Variants in ENO1 observed in about 807,000 individuals in gnomAD.
ENO1 encodes alpha-enolase.
ENO1 carries 33 observed loss-of-function variants against 46.3 expected under a neutral mutation model. The observed-to-expected ratio is 0.71, with a 90% CI of 0.54 to 0.95. The LOEUF is 0.95. Ranked by LOEUF, ENO1 falls within the 40% of genes least tolerant of loss-of-function variation. The pLI is 0.00. For synonymous variants in ENO1, 220 were observed against 216.0 expected, an observed-to-expected ratio of 1.02 and a Z score of -0.16; for missense variants, 488 against 553.3, an observed-to-expected ratio of 0.88 and a Z score of 1.18.
At chr1:8,866,927 TC>T (rs1642530329) in intron 6 of ENO1, among the ~76,000 whole-genome samples, 189 bp downstream of exon 6, 1 of 152,170 alleles carries the variant, frequency 6.6e-6, no homozygotes, top group South Asian at 2.1e-4. Context: ...TCCCCGAGCC[TC>T]CATTGCAGAT....
At chr1:8,870,953 A>G in intron 3 of ENO1, 1 of 1,248,558 alleles carries the variant, frequency 8.0e-7, no homozygotes, top group African/African-American at 1.5e-5. Flanking sequence ...AAGGACTGCG[A>G]GTGAGAGACA....
chr1:8,875,061 T>C, intron 1 of ENO1, 144 bp from the exon 2 acceptor site: 1 of 634,924 alleles, frequency 1.6e-6, no homozygotes, highest in South Asian at 2.0e-5. Context: ...CTGGCTAGGG[T>C]GGGGGGAAAA....
intron 1 of ENO1, 171 bp downstream of exon 1, chr1:8,878,409 C>CG: frequency 3.1e-6 from 1 of 327,796 alleles, no homozygotes; most frequent in Admixed American, 4.7e-5. Flanking sequence ...CCCCGGGCCT[C>CG]GGGGTGAGCG....
chr1:8,877,944 C>T (rs1020927993), intron 1 of ENO1: 1 of 152,352 alleles, frequency 6.6e-6, no homozygotes, highest in Admixed American at 6.5e-5. Flanking sequence ...CCGCTCTTGC[C>T]CAACTTGGGC....
In ENO1 at chr1:8,867,268, C is replaced by T. The variant is rs753057751; in HGVS notation, c.311-18G>A. ...AAACTTAGCTAGAACAGAAGAGAAC[C>T]GAGTGGAATGAAGTCATTTCTGATT... On this transcript the variant is annotated intron_variant, in intron 5 of 11. Transcript: ENST00000234590. The T allele has an allele frequency of 1.9e-5, 31 of 1,613,058 alleles. No homozygotes were observed. Among genetic ancestry groups the T allele is most frequent in the African/African-American group, 1.7e-4 (13 of 75,012 alleles).
intron 4 of ENO1, 140 bp downstream of exon 4, chr1:8,870,312 G>C: frequency 9.2e-7 from 1 of 1,085,108 alleles, no homozygotes; most frequent in Non-Finnish European, 1.3e-6. Flanking sequence ...GTCATGCATG[G>C]ATTGTTCTCG....
chr1:8,869,788 G>A (rs1642592440), intron 4 of ENO1, among the ~76,000 whole-genome samples: 1 of 152,120 alleles, frequency 6.6e-6, no homozygotes, highest in South Asian at 2.1e-4. Flanking sequence ...TCCAACTCCT[G>A]ACCTCAAGTG....
In ENO1 at chr1:8,865,382, C is replaced by T; in HGVS notation, c.768G>A (p.Lys256=). Residue 256 remains lysine (K), a synonymous_variant, in exon 8 of 12, where the codon AAG becomes AAA. Transcript: ENST00000234590. ...VAASEFFRSG[K]YDLDFKSPDD... is the part of the protein sequence containing the mutation. ...CGGGAGACTTGAAGTCCAGGTCATA[C>T]TTCCCAGACCTGAAGAACTCGGAGG... 6.2e-7 allele frequency: 1 copy of T among 1,614,198 alleles called. No individual in the cohort carries two copies. Among genetic ancestry groups the T allele is most frequent in the Non-Finnish European group, 8.5e-7 (1 of 1,180,034 alleles).
chr1:8,863,472 T>TG (rs2124053333), intron 9 of ENO1, 129 bp from the exon 10 acceptor site: 1 of 914,542 alleles, frequency 1.1e-6, no homozygotes, highest in East Asian at 2.6e-5. Context: ...CCTCCATGCC[T>TG]GGGCTTTGTC....
At chr1:8,862,680 G>A (rs1369792000) in intron 11 of ENO1, among the ~76,000 whole-genome samples, 1 of 152,216 alleles carries the variant, frequency 6.6e-6, no homozygotes, top group East Asian at 1.9e-4. Flanking sequence ...TCCTGCCTCT[G>A]GTGGCGCTGC....
chr1:8,862,440 G>A (rs554195760), intron 11 of ENO1, among the ~76,000 whole-genome samples: 8 of 152,176 alleles, frequency 5.3e-5, no homozygotes, highest in African/African-American at 1.7e-4. Context: ...GACAGGAAAG[G>A]GAGACCAGAA....
At position 8,862,983 on chromosome 1, in the gene ENO1, A is replaced by G. The variant is rs186129390; in HGVS notation, c.1177-38T>C. 783 of 1,609,700 alleles carry G rather than the reference A, an allele frequency of 4.9e-4. 3 individuals are homozygous for G. The highest frequency in any genetic ancestry group is 4.5e-3 in the Middle Eastern group (27 of 6,050). On this transcript the variant is annotated intron_variant, in intron 10 of 11. Transcript: ENST00000234590. ...AAAGGCCATTTGCTTACAGCGGACA[A>G]GCTTTGCAGGCATTTCTGGCAGGGA...
At chr1:8,877,492 A>C (rs573731483) in intron 1 of ENO1, 1 of 152,406 alleles carries the variant, frequency 6.6e-6, no homozygotes, top group Non-Finnish European at 1.5e-5. Flanking sequence ...AAGGCAAGTG[A>C]AGCAATGGAC....
intron 11 of ENO1, among the ~76,000 whole-genome samples, chr1:8,862,128 A>T (rs904702666): frequency 6.6e-6 from 1 of 152,092 alleles, no homozygotes; most frequent in Non-Finnish European, 1.5e-5. Flanking sequence ...AGCCTGGGCG[A>T]CAGAGTGAGA....
intron 11 of ENO1, 73 bp downstream of exon 11, chr1:8,862,814 G>A (rs1282774466): frequency 1.3e-6 from 2 of 1,524,470 alleles, no homozygotes; most frequent in Non-Finnish European, 1.8e-6. Context: ...CCTGGGGGAG[G>A]GCAGTGCCTA....
Position 8,863,978 on chromosome 1 carries a change from C to T in ENO1, c.980G>A (p.Arg327Lys). 1 of 1,614,160 alleles carries T rather than the reference C, an allele frequency of 6.2e-7. No individual in the cohort carries two copies. Among genetic ancestry groups the T allele is most frequent in the Non-Finnish European group, 8.5e-7 (1 of 1,180,030 alleles). Residue 327 changes from arginine (R) to lysine (K), a missense_variant, in exon 9 of 12, where the codon AGG (arginine) becomes AAG (lysine). Arg to Lys is a conservative substitution (Grantham distance 26). Coordinates refer to ENST00000234590, the MANE Select transcript of ENO1 (RefSeq NM_001428.5). ...CTTCTCGTTCACGGCCTTGGCGATCCTCTTTGGGTTGGTCACTGTGAGATC... is the reference window on the plus strand; with the variant it reads ...CTTCTCGTTCACGGCCTTGGCGATCTTCTTTGGGTTGGTCACTGTGAGATC... ...GDDLTVTNPK[R>K]IAKAVNEKSC...
intron 2 of ENO1, among the ~76,000 whole-genome samples, chr1:8,874,595 A>AAAAAAAAAAG: frequency 6.8e-6 from 1 of 146,960 alleles, no homozygotes; most frequent in African/African-American, 2.6e-5. Context: ...AAAAAAAAAA[A>AAAAAAAAAAG]AAAAAGAAAA....
At chr1:8,867,083 C>A (rs1457516314) in intron 6 of ENO1, 34 bp downstream of exon 6, 2 of 1,604,812 alleles carry the variant, frequency 1.2e-6, no homozygotes, top group Non-Finnish European at 1.7e-6. Flanking sequence ...AAACCCCCAA[C>A]TCCTTGCTTG....
Position 8,862,906 on chromosome 1 carries a change from T to C in ENO1, c.1216A>G (p.Lys406Glu). 1.2e-6 allele frequency: 2 copies of C among 1,614,070 alleles called. No individual in the cohort carries two copies. The highest frequency in any genetic ancestry group is 1.7e-6 in the Non-Finnish European group (2 of 1,179,974). ...CCTTACCTGAGGAGCTGGTTGTACTTGGCCAAGCGCTCAGATCGGCAAGGG... is the reference window on the plus strand; with the variant it reads ...CCTTACCTGAGGAGCTGGTTGTACTCGGCCAAGCGCTCAGATCGGCAAGGG... Reference protein sequence around the residue: ...GAPCRSERLAKYNQLLRIEEE... With the variant: ...GAPCRSERLAEYNQLLRIEEE... Residue 406 changes from lysine (K) to glutamate (E), a missense_variant, in exon 11 of 12, where the codon AAG (lysine) becomes GAG (glutamate). By Grantham distance (56) the Lys-to-Glu change is moderately conservative. Transcript: ENST00000234590.
Sources: gnomAD v4.1 joint callset for allele counts (sites outside exome capture counted in the v4.1 genomes callset) on GRCh38, gnomAD v4.1.1 for gene constraint, MANE v1.5 for transcripts, NCBI Gene and HGNC (gene_info 2026-07-23, HGNC 2026-07-21) for gene names.